The following SCFD2 variants were observed in gnomAD, a reference collection of about 807,000 sequenced individuals.
SCFD2 encodes sec1 family domain-containing protein 2.
A neutral mutation model predicts 58.9 loss-of-function variants in SCFD2; 54 were observed. The ratio of observed to expected loss-of-function variants is 0.92; its 90% CI spans 0.74 to 1.15. The LOEUF (loss-of-function observed/expected upper bound fraction) is 1.15. Among genes scored for constraint, SCFD2 ranks in the 50% most tolerant of loss-of-function variants. The pLI is 0.00. For synonymous variants in SCFD2, 321 were observed against 335.9 expected, an observed-to-expected ratio of 0.96 and a Z score of 0.49; for missense variants, 805 against 836.6, an observed-to-expected ratio of 0.96 and a Z score of 0.47.
chr4:52,960,352 G>A (rs1720815813), intron 5 of SCFD2, among the ~76,000 whole-genome samples: 2 of 150,120 alleles, frequency 1.3e-5, no homozygotes, highest in Non-Finnish European at 3.0e-5. Flanking sequence ...TCCGCAGAGA[G>A]GCACATCTTC....
chr4:53,277,052 C>A (rs1007586499), intron 3 of SCFD2, among the ~76,000 whole-genome samples: 2 of 152,040 alleles, frequency 1.3e-5, no homozygotes, highest in Admixed American at 6.6e-5. Flanking sequence ...GAGTGTCATT[C>A]ACTTTTATTG....
intron 3 of SCFD2, among the ~76,000 whole-genome samples, chr4:53,282,838 A>C (rs1470260316): frequency 1.3e-5 from 2 of 152,186 alleles, no homozygotes; most frequent in African/African-American, 4.8e-5. Context: ...ATGAAGTATA[A>C]ATTTCTAGAC....
At chr4:53,126,563 G>A (rs1367781098) in intron 5 of SCFD2, among the ~76,000 whole-genome samples, 9 of 152,168 alleles carry the variant, frequency 5.9e-5, no homozygotes, top group African/African-American at 1.7e-4. Flanking sequence ...TGATCTGCCC[G>A]CCTCAGCCTT....
chr4:53,161,619 T>C (rs149952389), intron 4 of SCFD2, among the ~76,000 whole-genome samples: 414 of 152,334 alleles, frequency 2.7e-3, no homozygotes, highest in Non-Finnish European at 5.0e-3. Context: ...TATGCTGTGC[T>C]TCAAACAGAA....
chr4:53,195,822 T>C (rs12507517), intron 4 of SCFD2, among the ~76,000 whole-genome samples: 41,701 of 152,066 alleles, frequency 0.27, 6,316 homozygotes, highest in Non-Finnish European at 0.35. Flanking sequence ...TCTATGGCAA[T>C]TTCCAAGATA....
intron 8 of SCFD2, among the ~76,000 whole-genome samples, chr4:52,876,324 C>T (rs767375495): frequency 2.0e-5 from 3 of 152,164 alleles, no homozygotes; most frequent in Non-Finnish European, 2.9e-5. Context: ...TGATTTGGTC[C>T]TAGATCTCCT....
At chr4:52,963,857 A>C (rs904167671) in intron 5 of SCFD2, among the ~76,000 whole-genome samples, 1 of 152,210 alleles carries the variant, frequency 6.6e-6, no homozygotes, top group Non-Finnish European at 1.5e-5. Flanking sequence ...GTTGGACAAG[A>C]AGCAATGGCT....
chr4:53,095,287 C>T (rs1274690646), intron 5 of SCFD2, among the ~76,000 whole-genome samples: 3 of 152,140 alleles, frequency 2.0e-5, no homozygotes, highest in Non-Finnish European at 4.4e-5. Flanking sequence ...CACACATAGC[C>T]TCCCCTATTC....
At chr4:52,985,340 A>G (rs1302756628) in intron 5 of SCFD2, among the ~76,000 whole-genome samples, 1 of 152,078 alleles carries the variant, frequency 6.6e-6, no homozygotes, top group Non-Finnish European at 1.5e-5. Flanking sequence ...CATTTTGGTT[A>G]TTTCCAGTAA....
intron 4 of SCFD2, among the ~76,000 whole-genome samples, chr4:53,206,324 T>G (rs1728405361): frequency 6.6e-6 from 1 of 152,020 alleles, no homozygotes; most frequent in Non-Finnish European, 1.5e-5. Context: ...AATAAATAAC[T>G]AAAAGTAGAA....
At chr4:53,303,567 T>A (rs146361032) in intron 3 of SCFD2, among the ~76,000 whole-genome samples, 8 of 151,850 alleles carry the variant, frequency 5.3e-5, no homozygotes, top group Non-Finnish European at 7.4e-5. Context: ...ATCTAGAACT[T>A]GAAATACCAT....
At chr4:53,348,080 A>G (rs1336182263) in intron 2 of SCFD2, among the ~76,000 whole-genome samples, 3 of 152,258 alleles carry the variant, frequency 2.0e-5, no homozygotes, top group African/African-American at 7.2e-5. Context: ...AATACTCCAC[A>G]TAATCCAGAG....
intron 5 of SCFD2, among the ~76,000 whole-genome samples, chr4:53,046,473 C>T (rs900882105): frequency 6.6e-6 from 1 of 152,186 alleles, no homozygotes; most frequent in African/African-American, 2.4e-5. Flanking sequence ...CCTTGGCCTC[C>T]CAAAGTGTTG....
At chr4:53,149,086 A>G (rs1726428912) in intron 4 of SCFD2, among the ~76,000 whole-genome samples, 1 of 152,222 alleles carries the variant, frequency 6.6e-6, no homozygotes, top group Non-Finnish European at 1.5e-5. Context: ...CATGCATGTA[A>G]CATGGGCTGG....
chr4:53,177,039 T>A (rs1382472127), intron 4 of SCFD2, among the ~76,000 whole-genome samples: 1 of 152,232 alleles, frequency 6.6e-6, no homozygotes, highest in African/African-American at 2.4e-5. Flanking sequence ...CCTTCTTCTT[T>A]ATCTGTTTCC....
At chr4:52,971,949 T>C (rs574138215) in intron 5 of SCFD2, among the ~76,000 whole-genome samples, 16 of 152,268 alleles carry the variant, frequency 1.1e-4, no homozygotes, top group African/African-American at 3.9e-4. Context: ...TAAAATCCTT[T>C]ATAGACAAGC....
intron 5 of SCFD2, among the ~76,000 whole-genome samples, chr4:53,121,499 G>T (rs940560389): frequency 6.6e-6 from 1 of 152,222 alleles, no homozygotes; most frequent in Non-Finnish European, 1.5e-5. Context: ...GCTAGGGCTT[G>T]CTGGTTATGA....
chr4:53,186,002 T>C (rs1727726554), intron 4 of SCFD2, among the ~76,000 whole-genome samples: 1 of 152,130 alleles, frequency 6.6e-6, no homozygotes, highest in Non-Finnish European at 1.5e-5. Context: ...GGGTAGGCCT[T>C]ATTCTACAGT....
At chr4:53,055,365 A>G (rs541272083) in intron 5 of SCFD2, among the ~76,000 whole-genome samples, 95 of 152,158 alleles carry the variant, frequency 6.2e-4, no homozygotes, top group Admixed American at 2.0e-3. Context: ...GGTGGACGAC[A>G]GGCAGAAAAG....
Sources: gnomAD v4.1 joint callset for allele counts (sites outside exome capture counted in the v4.1 genomes callset) on GRCh38, gnomAD v4.1.1 for gene constraint, MANE v1.5 for transcripts, NCBI Gene and HGNC (gene_info 2026-07-23, HGNC 2026-07-21) for gene names.